Variants in PAPLN observed in about 807,000 individuals in gnomAD.
PAPLN encodes the protein papilin.
PAPLN carries 146 observed loss-of-function variants against 159.0 expected under a neutral mutation model. The observed-to-expected ratio is 0.92, with a 90% CI of 0.80 to 1.05. PAPLN has a LOEUF of 1.05. PAPLN is among the 50% of genes least tolerant of loss of function. The pLI is 0.00. For synonymous variants in PAPLN, 734 were observed against 702.9 expected (o/e 1.04, Z -0.70); for missense variants, 1,720 against 1,743.9 (o/e 0.99, Z 0.24).
rs2140304614 is a variant in PAPLN at position 73,266,579 on chromosome 14, T to C, written c.3342T>C (p.Ala1114=). 6.2e-7 allele frequency: 1 copy of C among 1,614,128 alleles called. No homozygotes were observed. ...VEDGGFYTCV[A]FNGQDRDQRW... ...ATGGCGGCTTCTACACCTGTGTCGC[T>C]TTCAATGGGCAGGACCGAGACCAGC... Residue 1114 remains alanine, a synonymous_variant, in exon 24 of 27, where the codon GCT becomes GCC. Transcript: ENST00000644200.
chr14:73,245,996 T>A lies in PAPLN; in HGVS notation c.232-77T>A, dbSNP rs919253656. On this transcript the variant is annotated intron_variant, in intron 4 of 26. Coordinates refer to ENST00000644200, the MANE Select transcript of PAPLN (RefSeq NM_001365906.3). This position sits in a 1 kb window ranked among gnomAD's most constrained non-coding sequence, Gnocchi z 4.2. ...AGGCAAGGGAGACTCCTGGGCTCCC[T>A]GGGCTCGGGCGGGGCGGGAGGTGGG... 7.2e-7 allele frequency: 1 copy of A among 1,383,258 alleles called. No homozygotes were observed. The highest frequency in any genetic ancestry group is 1.4e-5 in the South Asian group (1 of 69,908). The allele number at this position is 1,383,258 out of a possible 1,614,324, so 85.7% of individuals were successfully genotyped here.
intron 12 of PAPLN, 70 bp from the exon 13 acceptor site, chr14:73,254,443 G>T: frequency 2.5e-6 from 4 of 1,569,608 alleles, no homozygotes; most frequent in East Asian, 2.2e-5. Context: ...CTGGTGGGCC[G>T]CTAGCTGTCC....
At chr14:73,263,962 A>T (rs1171424147) in intron 20 of PAPLN, 180 bp downstream of exon 20, 1 of 1,146,348 alleles carries the variant, frequency 8.7e-7, no homozygotes, top group Non-Finnish European at 1.1e-6. Context: ...CGGCCCCCCG[A>T]CCTCCTCTGA....
chr14:73,246,105 C>T lies in PAPLN; in HGVS notation c.264C>T (p.Ala88=), dbSNP rs907843441. 4.4e-6 allele frequency: 7 copies of T among 1,584,666 alleles called. No homozygotes were observed. The highest frequency in any genetic ancestry group is 6.0e-6 in the Non-Finnish European group (7 of 1,168,074). ...SCPDGARDFR[A]EQCAEFDGAE... is the part of the protein sequence containing the mutation. ...CCGACGGCGCCCGGGACTTCCGGGC[C>T]GAGCAGTGCGCGGAGTTCGACGGAG... is the stretch of plus-strand genomic sequence containing the variant. The change falls in exon 5 of 27, where the codon GCC becomes GCT. Residue 88 remains alanine, a synonymous_variant. Coordinates refer to ENST00000644200, the MANE Select transcript of PAPLN (RefSeq NM_001365906.3).
intron 3 of PAPLN, 60 bp downstream of exon 3, chr14:73,244,819 G>A: frequency 2.2e-6 from 3 of 1,386,900 alleles, no homozygotes; most frequent in Middle Eastern, 1.9e-4. Context: ...CTGCCTTCTG[G>A]GTGGTGGGCT....
At chr14:73,248,084 T>TAA (rs1884778395) in intron 5 of PAPLN, among the ~76,000 whole-genome samples, 1 of 89,854 alleles carries the variant, frequency 1.1e-5, no homozygotes, top group African/African-American at 4.7e-5. Context: ...TCTGTGTGTG[T>TAA]GTGTGTGTGT....
At chr14:73,236,838 G>A (rs1193527813), upstream of PAPLN, among the ~76,000 whole-genome samples, 3 of 143,018 alleles carry the variant, frequency 2.1e-5, no homozygotes, top group African/African-American at 8.4e-5. Flanking sequence ...AAGAAAAGGA[G>A]GGAGGAAAGT....
chr14:73,254,037 C>A, intron 12 of PAPLN, 76 bp downstream of exon 12: 2 of 1,463,420 alleles, frequency 1.4e-6, no homozygotes, highest in Non-Finnish European at 1.8e-6. Flanking sequence ...TTGTTCTCTG[C>A]TGTGGAAACC....
rs771282872 is a variant in PAPLN at position 73,260,862 on chromosome 14, G to T, written c.2106+33G>T. The T allele has an allele frequency of 1.3e-5, 19 of 1,495,090 alleles. No individual in the cohort carries two copies. The East Asian group carries it at 4.5e-4, about 35-fold the overall frequency. The allele number at this position is 1,495,090 out of a possible 1,614,324, so 92.6% of individuals were successfully genotyped here. ...TCTGGCCTGGGGGAGGGGAGCAGGG[G>T]GCCAGCCCGTGAGCCTGCTCAGTGT... is the stretch of plus-strand genomic sequence containing the variant. On this transcript the variant is annotated intron_variant, in intron 17 of 26. Coordinates refer to ENST00000644200, the MANE Select transcript of PAPLN (RefSeq NM_001365906.3).
At chr14:73,253,171 C>T in intron 11 of PAPLN, 1 of 1,365,576 alleles carries the variant, frequency 7.3e-7, no homozygotes, top group Non-Finnish European at 9.7e-7. Flanking sequence ...GACCTCTTAC[C>T]TGCACCGGCC....
At chr14:73,263,597 G>T in intron 19 of PAPLN, 48 bp from the exon 20 acceptor site, 1 of 1,611,982 alleles carries the variant, frequency 6.2e-7, no homozygotes. Context: ...GGTGGTTCTG[G>T]TCCTGGCGCT....
At chr14:73,253,596 G>A (rs889246861) in intron 11 of PAPLN, among the ~76,000 whole-genome samples, 158 bp from the exon 12 acceptor site, 2 of 152,194 alleles carry the variant, frequency 1.3e-5, no homozygotes, top group African/African-American at 4.8e-5. Context: ...GGATGCTAAG[G>A]AGCGCCTGGG....
chr14:73,263,948 G>GT, intron 20 of PAPLN, 166 bp downstream of exon 20: 1 of 1,474,538 alleles, frequency 6.8e-7, no homozygotes, highest in Non-Finnish European at 9.0e-7. Flanking sequence ...ACAGGTGTGT[G>GT]TGACGGCCCC....
At chr14:73,255,092 C>A in intron 14 of PAPLN, 74 bp downstream of exon 14, 1 of 1,530,604 alleles carries the variant, frequency 6.5e-7, no homozygotes, top group Non-Finnish European at 8.8e-7. Flanking sequence ...GCAAGCATGT[C>A]CTGCCTCGGG....
intron 6 of PAPLN, among the ~76,000 whole-genome samples, chr14:73,250,528 G>A (rs1433033603): frequency 6.6e-6 from 1 of 152,154 alleles, no homozygotes; most frequent in African/African-American, 2.4e-5. Context: ...CCTAGAAAGG[G>A]AATTCCCAGG....
At chr14:73,242,442 A>G (rs1404244762) in intron 2 of PAPLN, among the ~76,000 whole-genome samples, 3 of 152,222 alleles carry the variant, frequency 2.0e-5, no homozygotes, top group African/African-American at 7.2e-5. Context: ...GGCCTTAGTC[A>G]GAGGGTAATT....
Position 73,272,599 on chromosome 14 carries a change from T to C in PAPLN, c.3772T>C (p.Tyr1258His), listed in dbSNP as rs1887839311. The part of the protein sequence containing the change: ...LQAQLCGNEY[Y>H]SSFCCASCSR... ...GGCCCAGCTTTGTGGCAATGAGTAT[T>C]ACTCCAGCTTCTGCTGTGCCAGCTG... The change falls in exon 27 of 27, where the codon TAC becomes CAC. Residue 1258 changes from tyrosine (Y) to histidine (H), a missense_variant. Tyr to His is a moderately conservative substitution (Grantham distance 83). Coordinates refer to ENST00000644200, the MANE Select transcript of PAPLN (RefSeq NM_001365906.3). 2 of 1,600,890 alleles carry C rather than the reference T, an allele frequency of 1.2e-6. No homozygotes were observed. The highest frequency in any genetic ancestry group is 1.7e-4 in the Middle Eastern group (1 of 6,012).
At chr14:73,252,288 C>T (rs1040057858) in intron 10 of PAPLN, 147 bp downstream of exon 10, 33 of 1,301,784 alleles carry the variant, frequency 2.5e-5, no homozygotes, top group East Asian at 1.1e-4. Flanking sequence ...TTATGGGGGT[C>T]GCTTTGAGGA....
chr14:73,251,795 C>A lies in PAPLN; in HGVS notation c.802C>A (p.Leu268Ile). The A allele has an allele frequency of 6.2e-7, 1 of 1,604,488 alleles. No individual in the cohort carries two copies. Among genetic ancestry groups the A allele is most frequent in the South Asian group, 1.1e-5 (1 of 90,230 alleles). ...GAEGDLAPERLHARGPTSEPL... is the reference protein window; with the variant it reads ...GAEGDLAPERIHARGPTSEPL... ...TGAGGGGGACCTGGCCCCTGAGCGA[C>A]TCCATGCCCGGGGCCCCACCTCGGA... Residue 268 changes from leucine to isoleucine, a missense_variant, in exon 9 of 27, where the codon CTC (leucine) becomes ATC (isoleucine). Transcript: ENST00000644200.
Sources: gnomAD v4.1 joint callset for allele counts (sites outside exome capture counted in the v4.1 genomes callset) on GRCh38, gnomAD v4.1.1 for gene constraint, Gnocchi (gnomAD v3.1) non-coding constraint, MANE v1.5 for transcripts, NCBI Gene and HGNC (gene_info 2026-07-23, HGNC 2026-07-21) for gene names.